Variants in CACNA2D3 observed in about 807,000 individuals in gnomAD.
CACNA2D3 encodes the protein voltage-dependent calcium channel subunit alpha-2/delta-3.
CACNA2D3 carries 60 observed loss-of-function variants against 160.6 expected under a neutral mutation model. The ratio of observed to expected loss-of-function variants is 0.37; its 90% CI spans 0.30 to 0.46. The LOEUF (loss-of-function observed/expected upper bound fraction) is 0.46. CACNA2D3 is among the 20% of genes least tolerant of loss of function. The pLI, the probability that CACNA2D3 is intolerant of heterozygous loss-of-function variation, is 1.00. For missense variants in CACNA2D3, 1,205 were observed against 1,365.0 expected (o/e 0.88, Z 1.85); for synonymous variants, 558 against 492.9 (o/e 1.13, Z -1.75).
At chr3:54,785,654 A>G (rs900025539) in intron 13 of CACNA2D3, among the ~76,000 whole-genome samples, 1 of 152,144 alleles carries the variant, frequency 6.6e-6, no homozygotes, top group Non-Finnish European at 1.5e-5. Flanking sequence ...CTGAATGCAA[A>G]TCCTGCATGA....
chr3:54,202,686 T>G (rs1701200724), intron 2 of CACNA2D3, among the ~76,000 whole-genome samples: 1 of 152,204 alleles, frequency 6.6e-6, no homozygotes, highest in African/African-American at 2.4e-5. Context: ...GAGAGTTCTG[T>G]TGATTCCCCA....
intron 8 of CACNA2D3, among the ~76,000 whole-genome samples, chr3:54,570,657 C>G (rs1396218974): frequency 1.3e-5 from 2 of 151,974 alleles, no homozygotes; most frequent in Non-Finnish European, 2.9e-5. Context: ...TTTTTATTAT[C>G]TTGGTTTTTC....
At chr3:54,216,428 A>G in intron 2 of CACNA2D3, among the ~76,000 whole-genome samples, 1 of 152,212 alleles carries the variant, frequency 6.6e-6, no homozygotes, top group Non-Finnish European at 1.5e-5. Flanking sequence ...ACTGGTTGAA[A>G]TCTGGTGCTT....
intron 6 of CACNA2D3, among the ~76,000 whole-genome samples, chr3:54,565,944 C>T (rs1002288753): frequency 2.6e-5 from 4 of 152,158 alleles, no homozygotes; most frequent in African/African-American, 9.7e-5. Flanking sequence ...TTGTTTTGTC[C>T]ATTACTCTGT....
intron 2 of CACNA2D3, among the ~76,000 whole-genome samples, chr3:54,278,911 C>T (rs1559905966): frequency 6.6e-6 from 1 of 152,092 alleles, no homozygotes. Flanking sequence ...TGCAGTGAAC[C>T]ACCATGTCAC....
intron 13 of CACNA2D3, among the ~76,000 whole-genome samples, chr3:54,774,125 A>C (rs1207932975): frequency 6.6e-6 from 1 of 152,192 alleles, no homozygotes; most frequent in Non-Finnish European, 1.5e-5. Context: ...TCAAAAAGGC[A>C]ATTTGATGAC....
At chr3:54,549,650 GC>G (rs1702123803) in intron 5 of CACNA2D3, among the ~76,000 whole-genome samples, 1 of 152,164 alleles carries the variant, frequency 6.6e-6, no homozygotes, top group South Asian at 2.1e-4. Flanking sequence ...CCCAGCTGCA[GC>G]CCCCGCCTTT....
intron 2 of CACNA2D3, among the ~76,000 whole-genome samples, chr3:54,156,457 A>G (rs968773218): frequency 6.6e-6 from 1 of 152,156 alleles, no homozygotes; most frequent in Non-Finnish European, 1.5e-5. Context: ...AGGTGAGCGG[A>G]TGTGAAGTGG....
chr3:54,867,844 G>A (rs1699438228), intron 17 of CACNA2D3, among the ~76,000 whole-genome samples: 1 of 152,208 alleles, frequency 6.6e-6, no homozygotes. Context: ...ATTTGCGTGG[G>A]TTATGTACCC....
intron 4 of CACNA2D3, among the ~76,000 whole-genome samples, chr3:54,427,322 T>G (rs1699925375): frequency 6.6e-6 from 1 of 152,178 alleles, no homozygotes; most frequent in African/African-American, 2.4e-5. Context: ...CACATGTGCT[T>G]CTTCTCCTTG....
intron 4 of CACNA2D3, among the ~76,000 whole-genome samples, chr3:54,501,457 A>G (rs1347488954): frequency 1.3e-5 from 2 of 148,274 alleles, no homozygotes; most frequent in Non-Finnish European, 3.0e-5. Flanking sequence ...CCCAGGCTAG[A>G]GTACATTGGC....
chr3:54,811,676 T>G (rs187231859), intron 13 of CACNA2D3, among the ~76,000 whole-genome samples: 2 of 151,930 alleles, frequency 1.3e-5, no homozygotes, highest in Admixed American at 1.3e-4. Flanking sequence ...TTTTTTTGTA[T>G]TTTTAGTAGA....
chr3:54,381,331 G>A (rs565882591), intron 3 of CACNA2D3, among the ~76,000 whole-genome samples: 1 of 151,940 alleles, frequency 6.6e-6, no homozygotes, highest in African/African-American at 2.4e-5. Context: ...TTCTTTATTT[G>A]TACACAATTT....
intron 3 of CACNA2D3, among the ~76,000 whole-genome samples, chr3:54,355,232 A>G (rs1698628632): frequency 6.6e-6 from 1 of 152,178 alleles, no homozygotes; most frequent in Non-Finnish European, 1.5e-5. Flanking sequence ...GGGCTGGGTT[A>G]TGTACAACTT....
At chr3:54,585,262 A>G (rs991282924) in intron 9 of CACNA2D3, among the ~76,000 whole-genome samples, 5 of 152,230 alleles carry the variant, frequency 3.3e-5, no homozygotes, top group East Asian at 1.9e-4. Flanking sequence ...AGGGACCTAA[A>G]TAGAAGGTTT....
rs1699618897 is a variant in CACNA2D3, at chr3:54,408,828, T to C, written c.381+22054T>C. ...TAATTTTTTTCACATAAGTGTCCAT[T>C]TGTTGCTTAATTTAACATTTATTCA... On this transcript the variant is annotated intron_variant, in intron 4 of 37. Coordinates refer to ENST00000474759, the MANE Select transcript of CACNA2D3 (RefSeq NM_018398.3). Among the ~76,000 whole-genome samples, 3 of 152,246 alleles carry C rather than the reference T, an allele frequency of 2.0e-5. No individual in the cohort carries two copies. In the South Asian group the frequency reaches 6.2e-4, roughly 31 times the overall value.
intron 11 of CACNA2D3, among the ~76,000 whole-genome samples, chr3:54,749,203 G>T (rs537444175): frequency 8.9e-4 from 136 of 152,068 alleles, no homozygotes; most frequent in Non-Finnish European, 1.8e-3. Context: ...GAAAAAAATA[G>T]AATTTTGTGC....
At chr3:54,823,297 A>G (rs1181685167) in intron 14 of CACNA2D3, among the ~76,000 whole-genome samples, 1 of 152,138 alleles carries the variant, frequency 6.6e-6, no homozygotes, top group Admixed American at 6.6e-5. Flanking sequence ...TTCATGTACT[A>G]TTTTTATGCT....
intron 5 of CACNA2D3, among the ~76,000 whole-genome samples, chr3:54,510,597 A>C (rs1038836792): frequency 1.3e-5 from 2 of 152,070 alleles, no homozygotes; most frequent in African/African-American, 4.8e-5. Flanking sequence ...GTCCCTTGCC[A>C]TCCCCATCAT....
Sources: allele counts gnomAD v4.1 joint callset (sites outside exome capture counted in the v4.1 genomes callset), GRCh38; gene constraint gnomAD v4.1.1; transcripts MANE v1.5; gene names NCBI Gene and HGNC (gene_info 2026-07-23, HGNC 2026-07-21).